CR1: variants seen among roughly 807,000 people sequenced by gnomAD.
CR1 encodes the protein complement receptor type 1.
Under a neutral mutation model 187.3 loss-of-function variants are expected in CR1, and 116 were observed. The observed-to-expected ratio is 0.62, with a 90% CI of 0.53 to 0.72. The LOEUF (loss-of-function observed/expected upper bound fraction) is 0.72. Among genes scored for constraint, CR1 ranks in the 30% least tolerant of loss-of-function variants. The pLI is 0.00. For synonymous variants in CR1, 576 were observed against 747.1 expected (o/e 0.77, Z 3.73); for missense variants, 1,731 against 2,110.7 (o/e 0.82, Z 3.52).
rs377559626 is a variant in CR1 at position 207,564,691 on chromosome 1, C to T, written c.3866+457C>T. Among the ~76,000 whole-genome samples the T allele has an allele frequency of 1.4e-3, 206 of 150,018 alleles. 23 individuals carry two copies. Among genetic ancestry groups the T allele is most frequent in the African/African-American group, 5.1e-3 (201 of 39,498 alleles). ...TGGCATGTGCCTGTAATCCCAGCTA[C>T]TCCGGAGGCTGAGGCACCAGAATCA... On this transcript the variant is annotated intron_variant, in intron 23 of 46. Transcript: ENST00000367049.
chr1:207,575,286 TAG>T (rs1287889995), intron 27 of CR1, among the ~76,000 whole-genome samples: 4 of 151,672 alleles, frequency 2.6e-5, no homozygotes, highest in African/African-American at 9.7e-5. Context: ...TAGAGAAAGA[TAG>T]AATTTAAGAA....
At position 207,619,728 on chromosome 1, in the gene CR1, T is replaced by G. The variant is rs1571606220; in HGVS notation, c.7067-152T>G. 2.6e-5 allele frequency among the ~76,000 whole-genome samples: 4 copies of G among 152,334 alleles called. No homozygotes were observed. In the Middle Eastern group the frequency reaches 0.01, roughly 389 times the overall value. ...AGTCAGGAAATGTTAAATCATAAGG[T>G]TTTTGGAGGAGGAAGATTAGTAACA... is the stretch of plus-strand genomic sequence containing the variant. On this transcript the variant is annotated intron_variant, in intron 42 of 46. Coordinates refer to ENST00000367049, the MANE Select transcript of CR1 (RefSeq NM_000651.6).
chr1:207,518,030 C>T (rs1414224370), intron 4 of CR1, among the ~76,000 whole-genome samples: 2 of 152,088 alleles, frequency 1.3e-5, no homozygotes, highest in Non-Finnish European at 2.9e-5. Flanking sequence ...TTCCTCCAGT[C>T]CTAAATTCTT....
chr1:207,595,706 C>G (rs773482496), intron 35 of CR1, among the ~76,000 whole-genome samples: 8 of 150,806 alleles, frequency 5.3e-5, no homozygotes, highest in African/African-American at 9.7e-5. Context: ...TCCCACAAAG[C>G]TGTGGGAGTT....
intron 46 of CR1, among the ~76,000 whole-genome samples, chr1:207,633,172 A>C (rs1662703714): frequency 6.6e-6 from 1 of 152,238 alleles, no homozygotes; most frequent in South Asian, 2.1e-4. Flanking sequence ...AATTCAATCA[A>C]CCAAGATGCT....
Position 207,587,503 on chromosome 1 carries a change from A to G in CR1, c.5648A>G (p.Lys1883Arg). 1 of 1,613,992 alleles carries G rather than the reference A, an allele frequency of 6.2e-7. No individual in the cohort carries two copies. Reference sequence around the variant, plus strand: ...GAATGCCGTCCTGGGTATTTTGGGAAAATGTTCTCTATCTCCTGCCTAGAA... The same window carrying G: ...GAATGCCGTCCTGGGTATTTTGGGAGAATGTTCTCTATCTCCTGCCTAGAA... ...NYECRPGYFG[K>R]MFSISCLENL... is the part of the protein sequence containing the mutation. Residue 1883 changes from lysine (K) to arginine (R), a missense_variant, in exon 34 of 47, where the codon AAA becomes AGA. Around this residue, in one of 5 missense-constraint regions of CR1, gnomAD observed 1,312 missense variants for 1,379.6 expected, o/e 0.95. Transcript: ENST00000367049.
Position 207,621,972 on chromosome 1 carries a change from G to A in CR1, c.7253-1G>A. The A allele has an allele frequency of 1.3e-6, 2 of 1,597,598 alleles. No homozygotes were observed. Among genetic ancestry groups the A allele is most frequent in the Non-Finnish European group, 1.7e-6 (2 of 1,170,706 alleles). ...TTTTGTGACTTTTGTCTTCCTTTTA[G>A]GTACACATGATGCTCTCATAGTTGG... On this transcript the variant is annotated splice_acceptor_variant, in intron 43 of 46. Coordinates refer to ENST00000367049, the MANE Select transcript of CR1 (RefSeq NM_000651.6). LOFTEE classifies it high-confidence loss of function.
intron 3 of CR1, among the ~76,000 whole-genome samples, chr1:207,509,232 C>T (rs1224403708): frequency 6.6e-6 from 1 of 152,188 alleles, no homozygotes; most frequent in African/African-American, 2.4e-5. Flanking sequence ...AAAGTCTAGA[C>T]ATGTTCACCC....
intron 46 of CR1, among the ~76,000 whole-genome samples, chr1:207,631,665 G>A (rs1571620520): frequency 1.3e-5 from 2 of 151,920 alleles, no homozygotes; most frequent in South Asian, 2.1e-4. Context: ...TCAGACTCTC[G>A]GGCTTCTTGC....
intron 4 of CR1, among the ~76,000 whole-genome samples, chr1:207,511,874 A>G (rs1431059297): frequency 1.3e-5 from 2 of 152,228 alleles, no homozygotes; most frequent in Non-Finnish European, 1.5e-5. Flanking sequence ...AAGTTTAAAT[A>G]CATAAAAGCC....
At chr1:207,611,607 G>A in intron 37 of CR1, 70 bp from the exon 38 acceptor site, 1 of 1,573,580 alleles carries the variant, frequency 6.4e-7, no homozygotes, top group South Asian at 1.2e-5. Flanking sequence ...AAGCCCTCTG[G>A]TAAGCATAAG....
intron 29 of CR1, among the ~76,000 whole-genome samples, chr1:207,578,637 A>G (rs1320148040): frequency 5.9e-5 from 9 of 152,246 alleles, no homozygotes; most frequent in Admixed American, 3.9e-4. Flanking sequence ...TCAGAGGTTA[A>G]ATAAATTAGC....
intron 35 of CR1, among the ~76,000 whole-genome samples, chr1:207,589,410 A>G (rs646288): frequency 0.07 from 10,684 of 152,110 alleles, 1,272 homozygotes; most frequent in African/African-American, 0.24. Flanking sequence ...AAGGAATAGC[A>G]TCAACATTAA....
intron 37 of CR1, among the ~76,000 whole-genome samples, chr1:207,610,844 A>G (rs1284339535): frequency 6.6e-6 from 1 of 152,134 alleles, no homozygotes; most frequent in African/African-American, 2.4e-5. Context: ...ATTTATGGGT[A>G]TATGAAATGT....
chr1:207,587,503 A>T lies in CR1; in HGVS notation c.5648A>T (p.Lys1883Ile). The T allele has an allele frequency of 6.2e-7, 1 of 1,613,992 alleles. No homozygotes were observed. The highest frequency in any genetic ancestry group is 1.7e-5 in the Admixed American group (1 of 60,024). ...NYECRPGYFG[K>I]MFSISCLENL... ...GAATGCCGTCCTGGGTATTTTGGGAAAATGTTCTCTATCTCCTGCCTAGAA... is the reference window on the plus strand; with the variant it reads ...GAATGCCGTCCTGGGTATTTTGGGATAATGTTCTCTATCTCCTGCCTAGAA... The change falls in exon 34 of 47, where the codon AAA becomes ATA. Residue 1883 changes from lysine to isoleucine, a missense_variant. By Grantham distance (102) the Lys-to-Ile change is moderately radical. Transcript: ENST00000367049.
At position 207,575,530 on chromosome 1, in the gene CR1, A is replaced by G. The variant is rs1038153617; in HGVS notation, c.4452-65A>G. The G allele has an allele frequency of 2.5e-6, 4 of 1,604,950 alleles. No homozygotes were observed. The African/African-American group carries it at 4.0e-5, about 16-fold the overall frequency. Reference sequence around the variant, plus strand: ...TTGTAATCCTTCTGGTTTGCCACATATGCATGCTGTCAGGAAGTTGATGAG... The same window carrying G: ...TTGTAATCCTTCTGGTTTGCCACATGTGCATGCTGTCAGGAAGTTGATGAG... On this transcript the variant is annotated intron_variant, in intron 27 of 46. Transcript: ENST00000367049.
chr1:207,633,044 A>T (rs1178936493), intron 46 of CR1, among the ~76,000 whole-genome samples: 2 of 152,196 alleles, frequency 1.3e-5, no homozygotes, highest in Admixed American at 6.5e-5. Flanking sequence ...AGTTCATTTT[A>T]AAAATATTCC....
intron 35 of CR1, among the ~76,000 whole-genome samples, chr1:207,595,571 T>G (rs918586518): frequency 1.2e-4 from 18 of 152,124 alleles, no homozygotes; most frequent in African/African-American, 4.3e-4. Context: ...GAGGAAATAT[T>G]GTACAATAAA....
At chr1:207,512,527 A>G (rs1381916578) in intron 4 of CR1, among the ~76,000 whole-genome samples, 1 of 152,220 alleles carries the variant, frequency 6.6e-6, no homozygotes, top group East Asian at 1.9e-4. Flanking sequence ...AATACAGTGT[A>G]TAACATCTTT....
Sources: gnomAD v4.1 joint callset for allele counts (sites outside exome capture counted in the v4.1 genomes callset) on GRCh38, gnomAD v4.1.1 for gene constraint, gnomAD v4.1.1 regional missense constraint, MANE v1.5 for transcripts, NCBI Gene and HGNC (gene_info 2026-07-23, HGNC 2026-07-21) for gene names.